MYBPC1: variants seen among roughly 807,000 people sequenced by gnomAD.
The protein encoded by MYBPC1 is myosin-binding protein C, slow-type.
A neutral mutation model predicts 147.1 loss-of-function variants in MYBPC1; 52 were observed. The ratio of observed to expected loss-of-function variants is 0.35; its 90% CI spans 0.28 to 0.45. The LOEUF is 0.45. MYBPC1 is among the 20% of genes least tolerant of loss of function. MYBPC1 has a pLI of 1.00. For missense variants in MYBPC1, 1,228 were observed against 1,440.3 expected (o/e 0.85, Z 2.39); for synonymous variants, 477 against 475.9 (o/e 1.00, Z -0.03).
At chr12:101,622,904 G>A (rs1010706941) in intron 3 of MYBPC1, among the ~76,000 whole-genome samples, 3 of 152,162 alleles carry the variant, frequency 2.0e-5, no homozygotes, top group Non-Finnish European at 4.4e-5. Context: ...TGATCTAGAC[G>A]AAGACTATTT....
intron 25 of MYBPC1, among the ~76,000 whole-genome samples, chr12:101,674,590 CG>C (rs1379034283): frequency 6.6e-6 from 1 of 151,820 alleles, no homozygotes; most frequent in East Asian, 1.9e-4. Flanking sequence ...AATTTAAGGC[CG>C]GGTGTGGTGG....
At chr12:101,689,525 C>CTA (rs1951389070), downstream of MYBPC1, among the ~76,000 whole-genome samples, 3 of 151,224 alleles carry the variant, frequency 2.0e-5, no homozygotes, top group African/African-American at 7.3e-5. Flanking sequence ...TGTAACTTGA[C>CTA]TGTTATATTA....
At chr12:101,654,805 G>T (rs1160767701) in intron 18 of MYBPC1, among the ~76,000 whole-genome samples, 1 of 152,194 alleles carries the variant, frequency 6.6e-6, no homozygotes, top group Admixed American at 6.5e-5. Context: ...AGTGCATTGA[G>T]TAGAGTACTC....
intron 16 of MYBPC1, among the ~76,000 whole-genome samples, chr12:101,652,354 A>G (rs1238191643): frequency 6.6e-6 from 1 of 152,238 alleles, no homozygotes; most frequent in Non-Finnish European, 1.5e-5. Flanking sequence ...ATCTTAAAGT[A>G]TAGCATTATT....
intron 4 of MYBPC1, among the ~76,000 whole-genome samples, chr12:101,627,373 G>C (rs1888840839): frequency 6.6e-6 from 1 of 152,068 alleles, no homozygotes. Flanking sequence ...CTCCTGAGTA[G>C]CTGGGATTAC....
At chr12:101,679,559 G>A (rs1326922297) in intron 28 of MYBPC1, among the ~76,000 whole-genome samples, 1 of 152,180 alleles carries the variant, frequency 6.6e-6, no homozygotes, top group African/African-American at 2.4e-5. Flanking sequence ...ATGAGAGTGA[G>A]GAGTCACTGA....
Position 101,685,419 on chromosome 12 carries a change from C to G in MYBPC1, c.*20-163C>G, listed in dbSNP as rs12425714. On this transcript the variant is annotated intron_variant, in intron 31 of 31. Coordinates refer to ENST00000361466, the MANE Select transcript of MYBPC1 (RefSeq NM_002465.4). ...CCAAGTGCTTTAAATTCTAAATGTA[C>G]TAAATCCAGGAGAAGATTTTCCAAG... Among the ~76,000 whole-genome samples the G allele has an allele frequency of 0.028, 4,189 of 152,250 alleles. 307 individuals carry two copies. The East Asian group carries it at 0.28, about 10-fold the overall frequency.
intron 8 of MYBPC1, among the ~76,000 whole-genome samples, chr12:101,633,066 G>C (rs1237861358): frequency 2.6e-5 from 4 of 152,192 alleles, no homozygotes; most frequent in Non-Finnish European, 5.9e-5. Flanking sequence ...GCTATTCCAA[G>C]TGCTATAGGA....
intron 20 of MYBPC1, 28 bp from the exon 21 acceptor site, chr12:101,662,330 C>T: frequency 6.2e-7 from 1 of 1,611,838 alleles, no homozygotes; most frequent in Non-Finnish European, 8.5e-7. Flanking sequence ...CAAGGAAAAA[C>T]CTTAGTTTTC....
chr12:101,691,050 C>T, the MYBPC1 span, among the ~76,000 whole-genome samples: 2 of 152,042 alleles, frequency 1.3e-5, no homozygotes, highest in African/African-American at 4.8e-5. Context: ...GCAATGCAAG[C>T]CTAGCCAGGT....
intron 23 of MYBPC1, 97 bp downstream of exon 23, chr12:101,667,996 G>A: frequency 1.5e-6 from 2 of 1,370,558 alleles, no homozygotes; most frequent in Non-Finnish European, 2.0e-6. Flanking sequence ...CTATTTTGTT[G>A]TTACTCCTTT....
chr12:101,624,683 ATTTTTTTTTTT>A (rs57175970), intron 3 of MYBPC1, among the ~76,000 whole-genome samples: 2 of 99,112 alleles, frequency 2.0e-5, no homozygotes, highest in African/African-American at 4.2e-5. Context: ...CGGCTAATTA[ATTTTTTTTTTT>A]TTTTTTTTTT....
In MYBPC1 at chr12:101,642,420, G is replaced by A; in HGVS notation, c.667G>A (p.Glu223Lys). 6.2e-7 allele frequency: 1 copy of A among 1,614,112 alleles called. No homozygotes were observed. Among genetic ancestry groups the A allele is most frequent in the African/African-American group, 1.3e-5 (1 of 75,058 alleles). Residue 223 changes from glutamate to lysine, a missense_variant and splice_region_variant, in exon 11 of 32, where the codon GAG becomes AAG. Around this residue, in one of 2 missense-constraint regions of MYBPC1, gnomAD observed 1,077 missense variants for 1,314.2 expected, o/e 0.82. Coordinates refer to ENST00000361466, the MANE Select transcript of MYBPC1 (RefSeq NM_002465.4). The part of the protein sequence containing the change: ...LDFSGLLKRR[E>K]VKQQEEEPQV... ...TAGACCATGGTTCTCCCCGGTTAGGGAGGTGAAGCAGCAGGAGGAAGAACC... is the reference window on the plus strand; with the variant it reads ...TAGACCATGGTTCTCCCCGGTTAGGAAGGTGAAGCAGCAGGAGGAAGAACC...
intron 1 of MYBPC1, among the ~76,000 whole-genome samples, chr12:101,612,166 A>G (rs1440830793): frequency 6.6e-6 from 1 of 152,160 alleles, no homozygotes; most frequent in Admixed American, 6.5e-5. Context: ...AAATGATAGT[A>G]ATGGTAACAG....
chr12:101,677,973 A>G, intron 27 of MYBPC1, 129 bp from the exon 28 acceptor site: 1 of 1,175,054 alleles, frequency 8.5e-7, no homozygotes, highest in South Asian at 1.3e-5. Flanking sequence ...GCCACATGGC[A>G]TTTGCTCATC....
intron 5 of MYBPC1, 32 bp from the exon 6 acceptor site, chr12:101,629,401 GA>G (rs1465728660): frequency 4.8e-6 from 7 of 1,457,558 alleles, no homozygotes; most frequent in Non-Finnish European, 6.7e-6. Flanking sequence ...GCCTGGCCCT[GA>G]AATAATCCTT....
chr12:101,614,824 A>T (rs1450449049), intron 2 of MYBPC1: 5 of 464,058 alleles, frequency 1.1e-5, no homozygotes, highest in African/African-American at 9.9e-5. Context: ...TACAGTGTGG[A>T]GGCTGAGCCT....
chr12:101,639,608 T>C (rs982943757), intron 10 of MYBPC1, among the ~76,000 whole-genome samples: 3 of 152,188 alleles, frequency 2.0e-5, no homozygotes, highest in African/African-American at 7.2e-5. Flanking sequence ...ATCTTGGCAT[T>C]TTAATGAAAA....
chr12:101,631,726 C>A lies in MYBPC1; in HGVS notation c.438+7C>A, dbSNP rs771669832. On this transcript the variant is annotated splice_region_variant and intron_variant, in intron 7 of 31. Transcript: ENST00000361466. ...CTTTGAGAGGCACAGTCGGGTAAGGCCCTGAACTCCCAGGACAGGCGCTCA... is the reference window on the plus strand; with the variant it reads ...CTTTGAGAGGCACAGTCGGGTAAGGACCTGAACTCCCAGGACAGGCGCTCA... The A allele has an allele frequency of 6.2e-7, 1 of 1,613,980 alleles. No homozygotes were observed. The highest frequency in any genetic ancestry group is 8.5e-7 in the Non-Finnish European group (1 of 1,180,020).
Sources: allele counts gnomAD v4.1 joint callset (sites outside exome capture counted in the v4.1 genomes callset), GRCh38; gene constraint gnomAD v4.1.1; regional missense constraint gnomAD v4.1.1; transcripts MANE v1.5; gene names NCBI Gene and HGNC (gene_info 2026-07-23, HGNC 2026-07-21).